Variants in PDHB observed in about 807,000 individuals in gnomAD.
PDHB encodes the protein pyruvate dehydrogenase E1 component subunit beta, mitochondrial.
Under a neutral mutation model 42.8 loss-of-function variants are expected in PDHB, and 17 were observed. The observed-to-expected ratio is 0.40, with a 90% confidence interval of 0.27 to 0.60. PDHB has a LOEUF of 0.60. Ranked by LOEUF, PDHB falls within the 20% of genes least tolerant of loss-of-function variation. PDHB has a pLI of 0.46. For synonymous variants in PDHB, 154 were observed against 148.7 expected (o/e 1.04, Z -0.26); for missense variants, 322 against 451.3 (o/e 0.71, Z 2.60).
intron 2 of PDHB, chr3:58,433,395 G>A: frequency 1.7e-6 from 1 of 598,196 alleles, no homozygotes; most frequent in Non-Finnish European, 3.0e-6. Flanking sequence ...AGTGAGGGAG[G>A]AAACGCCTAG....
At chr3:58,432,208 C>G in intron 2 of PDHB, 2 of 551,718 alleles carry the variant, frequency 3.6e-6, no homozygotes, top group Non-Finnish European at 6.5e-6. Flanking sequence ...CAAGTACTGC[C>G]AAATACTTTG....
rs2062893319 is a variant in PDHB, at chr3:58,428,560, C to T, written c.847G>A (p.Val283Ile). ...PMDMETIEAS[V>I]MKTNHLVTVE... ...GTTACAAGATGATTTGTCTTCATGA[C>T]ACTGGCTTCTATGGTTTCCATGTCC... Residue 283 changes from valine to isoleucine, a missense_variant, in exon 9 of 10, where the codon GTC becomes ATC. This residue lies in a region of PDHB where 208 missense variants were observed against 285.0 expected (regional missense o/e 0.73). Coordinates refer to ENST00000302746, the MANE Select transcript of PDHB (RefSeq NM_000925.4). 2 of 1,613,654 alleles carry T rather than the reference C, an allele frequency of 1.2e-6. No individual in the cohort carries two copies. Among genetic ancestry groups the T allele is most frequent in the Non-Finnish European group, 1.7e-6 (2 of 1,179,524 alleles).
intron 1 of PDHB, 35 bp from the exon 2 acceptor site, chr3:58,433,719 A>T (rs2062944467): frequency 6.2e-7 from 1 of 1,612,328 alleles, no homozygotes; most frequent in East Asian, 2.2e-5. Flanking sequence ...GGCGGGACGC[A>T]GGGTGGGCAG....
chr3:58,427,677 ATG>A lies in PDHB; in HGVS notation c.*355_*356del, dbSNP rs2107934896. ...CCTTATCAAAACAAACTAACAGTAAATGTATATTATATGCTTTAATTTTATAC... is the reference window on the plus strand; with the variant it reads ...CCTTATCAAAACAAACTAACAGTAAATATATTATATGCTTTAATTTTATAC... On this transcript the variant is annotated 3_prime_UTR_variant, in exon 10 of 10. Transcript: ENST00000302746. 2.6e-6 allele frequency: 1 copy of A among 388,958 alleles called. No homozygotes were observed. The highest frequency in any genetic ancestry group is 7.2e-5 in the East Asian group (1 of 13,812). 24.1% of individuals were successfully genotyped at this position (388,958 alleles called of 1,614,324 possible).
rs779360337 is a variant in PDHB at position 58,432,253 on chromosome 3, T to A, written c.97-269A>T. The A allele has an allele frequency of 4.5e-5, 21 of 466,094 alleles. No individual in the cohort carries two copies. In the South Asian group the frequency reaches 4.6e-4, roughly 10 times the overall value. The allele number at this position is 466,094 out of a possible 1,614,324, so 28.9% of individuals were successfully genotyped here. Reference sequence around the variant, plus strand: ...TGTAGGAGTTGCTCTTTTAATATAATGAATGGTAAAATCTAGTTAAAAAAA... The same window carrying A: ...TGTAGGAGTTGCTCTTTTAATATAAAGAATGGTAAAATCTAGTTAAAAAAA... On this transcript the variant is annotated intron_variant, in intron 2 of 9. Coordinates refer to ENST00000302746, the MANE Select transcript of PDHB (RefSeq NM_000925.4).
chr3:58,430,727 C>A lies in PDHB; in HGVS notation c.519G>T (p.Lys173Asn). 1 of 1,614,046 alleles carries A rather than the reference C, an allele frequency of 6.2e-7. No homozygotes were observed. The change falls in exon 6 of 10, where the codon AAG becomes AAT. Residue 173 changes from lysine (K) to asparagine (N), a missense_variant. This residue lies in a region of PDHB where 208 missense variants were observed against 285.0 expected (regional missense o/e 0.73). Transcript: ENST00000302746. Reference sequence around the variant, plus strand: ...CCTCTGAATTCCAGGGACTGACCACCTTTAAGCCTGGGCAGTGCCCATACC... The same window carrying A: ...CCTCTGAATTCCAGGGACTGACCACATTTAAGCCTGGGCAGTGCCCATACC... Reference protein sequence around the residue: ...AAWYGHCPGLKVVSPWNSEDA... With the variant: ...AAWYGHCPGLNVVSPWNSEDA...
intron 6 of PDHB, 106 bp from the exon 7 acceptor site, chr3:58,430,344 A>C: frequency 1.2e-6 from 1 of 812,288 alleles, no homozygotes; most frequent in South Asian, 1.5e-5. Context: ...CATTGTGCTG[A>C]TTAGCCTTAT....
In PDHB at chr3:58,428,116, G is replaced by C; in HGVS notation, c.998C>G (p.Pro333Arg). The part of the protein sequence containing the change: ...VRVTGADVPM[P>R]YAKILEDNSI... ...GTTGTCCTCTAGAATCTTTGCATAA[G>C]GCATAGGGACATCAGCACCAGTGAC... Residue 333 changes from proline (P) to arginine (R), a missense_variant, in exon 10 of 10, where the codon CCT becomes CGT. This residue lies in a region of PDHB where 208 missense variants were observed against 285.0 expected (regional missense o/e 0.73). Coordinates refer to ENST00000302746, the MANE Select transcript of PDHB (RefSeq NM_000925.4). 6.2e-7 allele frequency: 1 copy of C among 1,611,600 alleles called. No homozygotes were observed.
rs1007176075 is a variant in PDHB, at chr3:58,431,663, A to C, written c.268-35T>G. ...AAAATATAAACATAAGTGAAAATCC[A>C]TAAAAATGAGGATAATGGACACTAA... is the stretch of plus-strand genomic sequence containing the variant. On this transcript the variant is annotated intron_variant, in intron 4 of 9. Coordinates refer to ENST00000302746, the MANE Select transcript of PDHB (RefSeq NM_000925.4). This position sits in a 1 kb window ranked among gnomAD's most constrained non-coding sequence, Gnocchi z 4.4. The C allele has an allele frequency of 2.6e-5, 42 of 1,607,242 alleles. No homozygotes were observed. Among genetic ancestry groups the C allele is most frequent in the Non-Finnish European group, 3.5e-5 (41 of 1,173,802 alleles).
chr3:58,427,942 G>A lies in PDHB; in HGVS notation c.*92C>T, dbSNP rs4228. The A allele has an allele frequency of 2.3e-5, 22 of 962,324 alleles. No individual in the cohort carries two copies. The highest frequency in any genetic ancestry group is 2.8e-5 in the Non-Finnish European group (17 of 613,890). The allele number at this position is 962,324 out of a possible 1,614,324, so 59.6% of individuals were successfully genotyped here. On this transcript the variant is annotated 3_prime_UTR_variant, in exon 10 of 10. Coordinates refer to ENST00000302746, the MANE Select transcript of PDHB (RefSeq NM_000925.4). Reference sequence around the variant, plus strand: ...GCTGTTGCTTTAGAAATCGTTTTCCGTTATGAATAGTCAGGTCTTGCAGTA... The same window carrying A: ...GCTGTTGCTTTAGAAATCGTTTTCCATTATGAATAGTCAGGTCTTGCAGTA...
chr3:58,433,550 C>A, intron 2 of PDHB, 81 bp downstream of exon 2: 1 of 1,458,098 alleles, frequency 6.9e-7, no homozygotes, highest in Non-Finnish European at 9.3e-7. Flanking sequence ...AAGGCCACAG[C>A]GCAGGCGCGA....
chr3:58,428,972 A>T (rs745504147), intron 8 of PDHB, among the ~76,000 whole-genome samples: 7 of 152,126 alleles, frequency 4.6e-5, no homozygotes, highest in Non-Finnish European at 8.8e-5. Context: ...TTCCTGCCTC[A>T]GCCTCTGGAG....
intron 2 of PDHB, chr3:58,433,237 C>T (rs894670996): frequency 6.4e-6 from 2 of 311,506 alleles, no homozygotes; most frequent in African/African-American, 4.4e-5. Context: ...ACAGTTTCTG[C>T]TTGGGATGAT....
chr3:58,431,748 C>A lies in PDHB; in HGVS notation c.250G>T (p.Asp84Tyr). ...AGGCTTACCTCTGATATGGGAGTGTCAATAATCCTCTTGTCTCCATATTTC... is the reference window on the plus strand; with the variant it reads ...AGGCTTACCTCTGATATGGGAGTGTAAATAATCCTCTTGTCTCCATATTTC... ...WKKYGDKRII[D>Y]TPISEMGFAG... is the part of the protein sequence containing the mutation. Residue 84 changes from aspartate to tyrosine, a missense_variant, in exon 4 of 10, where the codon GAC becomes TAC. Coordinates refer to ENST00000302746, the MANE Select transcript of PDHB (RefSeq NM_000925.4). The surrounding 1 kb of genome is among the most constrained non-coding windows in gnomAD (Gnocchi z 4.4). The A allele has an allele frequency of 6.2e-7, 1 of 1,613,714 alleles. No homozygotes were observed. Among genetic ancestry groups the A allele is most frequent in the South Asian group, 1.1e-5 (1 of 91,060 alleles).
chr3:58,429,335 G>A (rs1426455200), intron 8 of PDHB, among the ~76,000 whole-genome samples: 2 of 152,104 alleles, frequency 1.3e-5, no homozygotes, highest in Non-Finnish European at 2.9e-5. Context: ...CAGAACCTCA[G>A]AAGGGTGAGG....
In PDHB at chr3:58,431,975, G is replaced by T. The variant is rs763842440; in HGVS notation, c.106C>A (p.Arg36Ser). The change falls in exon 3 of 10, where the codon CGT becomes AGT. Residue 36 changes from arginine to serine, a missense_variant. This residue lies in a region of PDHB where 56 missense variants were observed against 124.2 expected (regional missense o/e 0.45). Coordinates refer to ENST00000302746, the MANE Select transcript of PDHB (RefSeq NM_000925.4). This position sits in a 1 kb window ranked among gnomAD's most constrained non-coding sequence, Gnocchi z 4.4. ...TAPAALQVTVRDAINQGMDEE... is the reference protein window; with the variant it reads ...TAPAALQVTVSDAINQGMDEE... Reference sequence around the variant, plus strand: ...TCCATACCCTGATTTATAGCATCACGAACTGTCACCTGTCACAGGTATGCA... The same window carrying T: ...TCCATACCCTGATTTATAGCATCACTAACTGTCACCTGTCACAGGTATGCA... 2 of 1,610,206 alleles carry T rather than the reference G, an allele frequency of 1.2e-6. No homozygotes were observed. The highest frequency in any genetic ancestry group is 1.7e-6 in the Non-Finnish European group (2 of 1,176,534).
At chr3:58,428,700 C>A (rs1486177895) in intron 8 of PDHB, 86 bp from the exon 9 acceptor site, 1 of 1,235,388 alleles carries the variant, frequency 8.1e-7, no homozygotes, top group Admixed American at 1.8e-5. Flanking sequence ...TTTTTTGTTT[C>A]CTGTTAATCT....
chr3:58,433,667 C>G lies in PDHB; in HGVS notation c.60G>C (p.Lys20Asn). ...CCGGCGCGGTCCAGTGAAAGCGCCTCTTCAGCAGCCCGGAGACCTGGCAGG... is the reference window on the plus strand; with the variant it reads ...CCGGCGCGGTCCAGTGAAAGCGCCTGTTCAGCAGCCCGGAGACCTGGCAGG... ...RPLREVSGLL[K>N]RRFHWTAPAA... Residue 20 changes from lysine (K) to asparagine (N), a missense_variant, in exon 2 of 10, where the codon AAG becomes AAC. Lys to Asn is a moderately conservative substitution (Grantham distance 94). Coordinates refer to ENST00000302746, the MANE Select transcript of PDHB (RefSeq NM_000925.4). 1 of 1,612,832 alleles carries G rather than the reference C, an allele frequency of 6.2e-7. No homozygotes were observed. The highest frequency in any genetic ancestry group is 8.5e-7 in the Non-Finnish European group (1 of 1,179,718).
In PDHB at chr3:58,428,480, G is replaced by A. The variant is rs1274009542; in HGVS notation, c.927C>T (p.Ile309=). 2 of 1,614,104 alleles carry A rather than the reference G, an allele frequency of 1.2e-6. No individual in the cohort carries two copies. Among genetic ancestry groups the A allele is most frequent in the Admixed American group, 3.3e-5 (2 of 60,010 alleles). ...FGVGAEICAR[I]MEGPAFNFLD... is the part of the protein sequence containing the mutation. ...CCAGTTTCTTTGAAATACCTTCCAT[G>A]ATCCTGGCACAGATTTCAGCTCCTA... The change falls in exon 9 of 10, where the codon ATC becomes ATT. Residue 309 remains isoleucine (I), a synonymous_variant. Coordinates refer to ENST00000302746, the MANE Select transcript of PDHB (RefSeq NM_000925.4).
Sources: gnomAD v4.1 joint callset for allele counts (sites outside exome capture counted in the v4.1 genomes callset) on GRCh38, gnomAD v4.1.1 for gene constraint, gnomAD v4.1.1 regional missense constraint, Gnocchi (gnomAD v3.1) non-coding constraint, MANE v1.5 for transcripts, NCBI Gene and HGNC (gene_info 2026-07-23, HGNC 2026-07-21) for gene names.